GRID2: variants seen among roughly 807,000 people sequenced by gnomAD.
The protein encoded by GRID2 is glutamate ionotropic receptor delta type subunit 2.
In GRID2, 33 loss-of-function variants were observed where a neutral mutation model predicts 114.8. The observed-to-expected ratio is 0.29, with a 90% CI of 0.22 to 0.38. The LOEUF is 0.38. Ranked by LOEUF, GRID2 falls within the 10% of genes least tolerant of loss-of-function variation. The pLI is 1.00. For synonymous variants in GRID2, 505 were observed against 449.9 expected (o/e 1.12, Z -1.55); for missense variants, 1,184 against 1,257.7 (o/e 0.94, Z 0.89).
At chr4:92,642,498 T>A (rs1235354462) in intron 2 of GRID2, among the ~76,000 whole-genome samples, 1 of 151,950 alleles carries the variant, frequency 6.6e-6, no homozygotes, top group East Asian at 1.9e-4. Context: ...TTTTTACATG[T>A]TGACTTGAGT....
intron 12 of GRID2, among the ~76,000 whole-genome samples, chr4:93,496,101 T>C (rs1412674816): frequency 7.0e-6 from 1 of 142,538 alleles, no homozygotes; most frequent in Non-Finnish European, 1.5e-5. Flanking sequence ...TCCATTTGAA[T>C]GCATTTTTTT....
At chr4:93,457,359 C>T (rs964215476) in intron 11 of GRID2, among the ~76,000 whole-genome samples, 1 of 150,250 alleles carries the variant, frequency 6.7e-6, no homozygotes, top group African/African-American at 2.5e-5. Flanking sequence ...GAATTTCAGA[C>T]CAAGAAGTGA....
intron 13 of GRID2, among the ~76,000 whole-genome samples, chr4:93,621,221 G>A (rs1038309805): frequency 6.6e-6 from 1 of 152,134 alleles, no homozygotes; most frequent in Non-Finnish European, 1.5e-5. Flanking sequence ...AATTTATCAC[G>A]GGGAGTCTAT....
intron 2 of GRID2, among the ~76,000 whole-genome samples, chr4:92,678,778 G>C (rs929349021): frequency 6.6e-6 from 1 of 151,696 alleles, no homozygotes; most frequent in African/African-American, 2.4e-5. Flanking sequence ...TACTCTCCTG[G>C]GCCCTTTAGA....
chr4:92,588,520 CA>C lies in GRID2; in HGVS notation c.89-1602del, dbSNP rs1050311403. 1.0e-4 allele frequency among the ~76,000 whole-genome samples: 15 copies of C among 149,112 alleles called. No individual in the cohort carries two copies. The East Asian group carries it at 1.8e-3, about 18-fold the overall frequency. ...TGAAACCCCGTCCCTACTACAAATA[CA>C]AAAAAAAATTAGCTGGGCGCGGTGG... On this transcript the variant is annotated intron_variant, in intron 1 of 15. Coordinates refer to ENST00000282020, the MANE Select transcript of GRID2 (RefSeq NM_001510.4).
chr4:93,546,506 T>G (rs181102041), intron 13 of GRID2, among the ~76,000 whole-genome samples: 1 of 152,272 alleles, frequency 6.6e-6, no homozygotes, highest in African/African-American at 2.4e-5. Context: ...GCATATTTCA[T>G]TTCTCAGTGA....
chr4:93,160,752 G>T (rs1249442744), intron 4 of GRID2, among the ~76,000 whole-genome samples: 1 of 151,734 alleles, frequency 6.6e-6, no homozygotes, highest in African/African-American at 2.4e-5. Flanking sequence ...TAAATTGTGG[G>T]CTCATAAGTA....
intron 8 of GRID2, among the ~76,000 whole-genome samples, chr4:93,264,594 T>C (rs574855675): frequency 1.3e-5 from 2 of 151,132 alleles, no homozygotes; most frequent in East Asian, 2.0e-4. Flanking sequence ...TGGATGACTT[T>C]TGGTTTCTGT....
At chr4:93,369,700 G>C (rs1762687377) in intron 8 of GRID2, among the ~76,000 whole-genome samples, 1 of 152,082 alleles carries the variant, frequency 6.6e-6, no homozygotes, top group African/African-American at 2.4e-5. Context: ...TGTTGACCAG[G>C]CTGGTCTAAA....
At chr4:92,960,111 A>G (rs1206614478) in intron 2 of GRID2, among the ~76,000 whole-genome samples, 1 of 151,986 alleles carries the variant, frequency 6.6e-6, no homozygotes, top group African/African-American at 2.4e-5. Flanking sequence ...GTTTAATTTT[A>G]TTGTGGTCTG....
At chr4:92,475,852 T>C (rs1435465701) in intron 1 of GRID2, among the ~76,000 whole-genome samples, 1 of 152,016 alleles carries the variant, frequency 6.6e-6, no homozygotes, top group African/African-American at 2.4e-5. Flanking sequence ...GTCAATATTA[T>C]ATAGTTTTCG....
intron 2 of GRID2, among the ~76,000 whole-genome samples, chr4:92,690,872 T>C (rs763574674): frequency 3.3e-5 from 5 of 152,122 alleles, no homozygotes; most frequent in Non-Finnish European, 5.9e-5. Context: ...TTCTTCCAAA[T>C]CATGGAGCTA....
At chr4:92,678,084 T>C (rs1733466652) in intron 2 of GRID2, among the ~76,000 whole-genome samples, 1 of 148,918 alleles carries the variant, frequency 6.7e-6, no homozygotes, top group South Asian at 2.1e-4. Context: ...CCCTCAAATA[T>C]GAGTTTCATG....
At chr4:92,378,523 C>A (rs1340010743) in intron 1 of GRID2, among the ~76,000 whole-genome samples, 1 of 151,898 alleles carries the variant, frequency 6.6e-6, no homozygotes, top group Non-Finnish European at 1.5e-5. Context: ...TTCCAAATAT[C>A]CTGTGTTTAT....
intron 1 of GRID2, among the ~76,000 whole-genome samples, chr4:93,799,034 T>C (rs1358586075): frequency 1.3e-5 from 2 of 152,196 alleles, no homozygotes; most frequent in Non-Finnish European, 2.9e-5. Context: ...TCTCAGCTCT[T>C]CCACTGCTTA....
At chr4:92,411,701 CT>C (rs1230235549) in intron 1 of GRID2, among the ~76,000 whole-genome samples, 2 of 112,152 alleles carry the variant, frequency 1.8e-5, no homozygotes, top group African/African-American at 7.3e-5. Flanking sequence ...CAGTGTATTT[CT>C]TTTTTTTGTT....
intron 2 of GRID2, among the ~76,000 whole-genome samples, chr4:92,726,842 A>G (rs1212904853): frequency 6.6e-6 from 1 of 152,042 alleles, no homozygotes; most frequent in Admixed American, 6.6e-5. Context: ...ATCACTGAGT[A>G]TTGATTCTTC....
At chr4:93,659,347 C>G (rs1029417952) in intron 14 of GRID2, among the ~76,000 whole-genome samples, 22 of 152,154 alleles carry the variant, frequency 1.4e-4, no homozygotes, top group Admixed American at 3.9e-4. Flanking sequence ...ATAAAGTTGT[C>G]GTCACACCTG....
At chr4:92,521,301 T>G (rs557105710) in intron 1 of GRID2, among the ~76,000 whole-genome samples, 1 of 151,884 alleles carries the variant, frequency 6.6e-6, no homozygotes, top group Non-Finnish European at 1.5e-5. Context: ...ACATGATTTA[T>G]CTATGTTATG....
Sources: gnomAD v4.1 joint callset for allele counts (sites outside exome capture counted in the v4.1 genomes callset) on GRCh38, gnomAD v4.1.1 for gene constraint, MANE v1.5 for transcripts, NCBI Gene and HGNC (gene_info 2026-07-23, HGNC 2026-07-21) for gene names.